Variants in SLC24A2 observed in about 807,000 individuals in gnomAD.
SLC24A2 encodes sodium/potassium/calcium exchanger 2.
SLC24A2 carries 36 observed loss-of-function variants against 62.0 expected under a neutral mutation model. That is an observed-to-expected ratio of 0.58 (90% CI 0.44 to 0.77). The LOEUF (loss-of-function observed/expected upper bound fraction) is 0.77. Among genes scored for constraint, SLC24A2 ranks in the 30% least tolerant of loss-of-function variants. SLC24A2 has a pLI of 0.00. For synonymous variants in SLC24A2, 358 were observed against 294.0 expected, an observed-to-expected ratio of 1.22 and a Z score of -2.23; for missense variants, 846 against 817.9, an observed-to-expected ratio of 1.03 and a Z score of -0.42.
chr9:20,032,788 A>G, the SLC24A2 span, among the ~76,000 whole-genome samples: 1 of 152,196 alleles, frequency 6.6e-6, no homozygotes, highest in East Asian at 1.9e-4. Context: ...AGGAACAGGA[A>G]GGACCCAACC....
At chr9:20,059,807 C>T in the SLC24A2 span, among the ~76,000 whole-genome samples, 1 of 151,848 alleles carries the variant, frequency 6.6e-6, no homozygotes, top group Non-Finnish European at 1.5e-5. Context: ...AAAATTAGAG[C>T]AGAGATAAGT....
chr9:20,070,153 T>TA, the SLC24A2 span, among the ~76,000 whole-genome samples: 125 of 152,308 alleles, frequency 8.2e-4, no homozygotes, highest in African/African-American at 2.9e-3. Context: ...AACAACTTCT[T>TA]AGTCTCCGAG....
At chr9:20,045,415 A>G in the SLC24A2 span, among the ~76,000 whole-genome samples, 1 of 152,022 alleles carries the variant, frequency 6.6e-6, no homozygotes, top group East Asian at 1.9e-4. Context: ...CAAAAAAGGA[A>G]CACCTTATTA....
intron 2 of SLC24A2, among the ~76,000 whole-genome samples, chr9:19,782,435 C>A (rs1352363437): frequency 6.6e-6 from 1 of 152,096 alleles, no homozygotes; most frequent in Non-Finnish European, 1.5e-5. Flanking sequence ...AGCAAAATTC[C>A]AAATAATAAA....
the SLC24A2 span, among the ~76,000 whole-genome samples, chr9:20,128,728 A>C: frequency 0.072 from 10,945 of 152,184 alleles, 1,047 homozygotes; most frequent in East Asian, 0.46. Flanking sequence ...TCTCTTCAAT[A>C]AATGGTGCTT....
the SLC24A2 span, among the ~76,000 whole-genome samples, chr9:20,168,594 T>C: frequency 6.6e-6 from 1 of 151,924 alleles, no homozygotes; most frequent in Non-Finnish European, 1.5e-5. Context: ...AACAAGAACA[T>C]GAAAAGATGC....
chr9:19,902,460 TA>T, the SLC24A2 span, among the ~76,000 whole-genome samples: 1 of 152,202 alleles, frequency 6.6e-6, no homozygotes, highest in African/African-American at 2.4e-5. Context: ...AGTAATCAGA[TA>T]TTTTTTTAAT....
At chr9:20,144,255 T>C in the SLC24A2 span, among the ~76,000 whole-genome samples, 1 of 152,216 alleles carries the variant, frequency 6.6e-6, no homozygotes, top group African/African-American at 2.4e-5. Context: ...TGTCAAAGCT[T>C]CTGCCAGGAA....
At chr9:19,839,996 A>G in the SLC24A2 span, among the ~76,000 whole-genome samples, 4 of 152,226 alleles carry the variant, frequency 2.6e-5, no homozygotes, top group Non-Finnish European at 4.4e-5. Flanking sequence ...TTGTTTGAAC[A>G]ATGATGAAAT....
At chr9:19,588,692 G>T (rs115861092) in intron 5 of SLC24A2, among the ~76,000 whole-genome samples, 2,069 of 152,280 alleles carry the variant, frequency 0.014, 49 homozygotes, top group African/African-American at 0.048. Context: ...CCCGCGTGGT[G>T]GCTCATGCCT....
chr9:19,708,565 C>T lies in SLC24A2; in HGVS notation c.930+77372G>A, dbSNP rs187437586. Among the ~76,000 whole-genome samples, 12 of 152,126 alleles carry T rather than the reference C, an allele frequency of 7.9e-5. No individual in the cohort carries two copies. In the South Asian group the frequency reaches 8.3e-4, roughly 11 times the overall value. On this transcript the variant is annotated intron_variant, in intron 2 of 10. Transcript: ENST00000341998. ...ACTGGTACCAAAACAGAGATATAGA[C>T]CAATGGAACAGAACAGAGCCCTTAG... is the stretch of plus-strand genomic sequence containing the variant.
chr9:20,013,544 G>A, the SLC24A2 span, among the ~76,000 whole-genome samples: 6 of 152,284 alleles, frequency 3.9e-5, no homozygotes, highest in South Asian at 2.1e-4. Flanking sequence ...AGGCAACAAC[G>A]CAGAAATTGA....
chr9:20,051,387 A>G, the SLC24A2 span, among the ~76,000 whole-genome samples: 1 of 152,148 alleles, frequency 6.6e-6, no homozygotes, highest in Non-Finnish European at 1.5e-5. Flanking sequence ...GAAACAGATA[A>G]TAATCATGAA....
the SLC24A2 span, among the ~76,000 whole-genome samples, chr9:19,905,188 G>T: frequency 6.6e-6 from 1 of 152,032 alleles, no homozygotes; most frequent in Non-Finnish European, 1.5e-5. Flanking sequence ...GGCTCAGTTG[G>T]TTCATGGACA....
the SLC24A2 span, among the ~76,000 whole-genome samples, chr9:20,146,910 A>C: frequency 1.3e-5 from 2 of 152,082 alleles, no homozygotes; most frequent in Non-Finnish European, 2.9e-5. Context: ...CGACTCCACT[A>C]GTCAGGCTCT....
intron 2 of SLC24A2, among the ~76,000 whole-genome samples, chr9:19,778,240 T>C (rs1822902794): frequency 6.6e-6 from 1 of 152,206 alleles, no homozygotes; most frequent in African/African-American, 2.4e-5. Context: ...TTTTATTTAG[T>C]GAGGAATAAG....
At chr9:19,912,083 C>T in the SLC24A2 span, among the ~76,000 whole-genome samples, 2 of 152,082 alleles carry the variant, frequency 1.3e-5, no homozygotes, top group African/African-American at 2.4e-5. Flanking sequence ...AATGAGAATT[C>T]TTGACAATGG....
chr9:19,524,527 A>G (rs1833347769), intron 9 of SLC24A2, among the ~76,000 whole-genome samples: 2 of 152,192 alleles, frequency 1.3e-5, no homozygotes, highest in African/African-American at 4.8e-5. Context: ...TTATGATAAA[A>G]GTGTTGATAA....
the SLC24A2 span, among the ~76,000 whole-genome samples, chr9:20,263,465 T>C: frequency 6.6e-6 from 1 of 152,002 alleles, no homozygotes; most frequent in Non-Finnish European, 1.5e-5. Context: ...CCAGGGCTGG[T>C]CTCAAACTCC....
Sources: allele counts gnomAD v4.1 joint callset (sites outside exome capture counted in the v4.1 genomes callset), GRCh38; gene constraint gnomAD v4.1.1; transcripts MANE v1.5; gene names NCBI Gene and HGNC (gene_info 2026-07-23, HGNC 2026-07-21).